Variants in PCDHA5 observed in about 807,000 individuals in gnomAD.
PCDHA5 encodes protocadherin alpha 5, also known as protocadherin alpha-5.
PCDHA5 carries 43 observed loss-of-function variants against 61.6 expected under a neutral mutation model. The ratio of observed to expected loss-of-function variants is 0.70; its 90% CI spans 0.55 to 0.90. The LOEUF (loss-of-function observed/expected upper bound fraction) is 0.90. PCDHA5 is among the 40% of genes least tolerant of loss of function. PCDHA5 has a pLI of 0.00. For synonymous variants in PCDHA5, 627 were observed against 543.9 expected (o/e 1.15, Z -2.13); for missense variants, 1,298 against 1,222.7 (o/e 1.06, Z -0.92).
chr5:140,928,276 G>A (rs2153595075), intron 1 of PCDHA5: 2 of 1,614,172 alleles, frequency 1.2e-6, no homozygotes, highest in South Asian at 1.1e-5. Context: ...TGGCCCTGGG[G>A]CCTCTCTAGG....
rs782144486 is a variant in PCDHA5, at chr5:140,875,746, C to A, written c.2352+51619C>A. ...TTTGTTTGTGAATTCTCGGATCGAC[C>A]GCGAGAAGCTGTGCGGGCGGAGCGC... is the stretch of plus-strand genomic sequence containing the variant. On this transcript the variant is annotated intron_variant, in intron 1 of 3. Coordinates refer to ENST00000529859, the MANE Select transcript of PCDHA5 (RefSeq NM_018908.3). 7.4e-6 allele frequency: 12 copies of A among 1,614,096 alleles called. No homozygotes were observed. In the East Asian group the frequency reaches 2.0e-4, roughly 27 times the overall value.
chr5:140,955,501 A>G (rs1479045859), intron 1 of PCDHA5, among the ~76,000 whole-genome samples: 5 of 152,114 alleles, frequency 3.3e-5, no homozygotes, highest in African/African-American at 1.2e-4. Context: ...CATGTGAAGA[A>G]AGACGTGTTT....
At chr5:140,996,650 G>A (rs943173536) in intron 3 of PCDHA5, among the ~76,000 whole-genome samples, 2 of 152,042 alleles carry the variant, frequency 1.3e-5, no homozygotes, top group Non-Finnish European at 2.9e-5. Context: ...GTTAATCCTG[G>A]GTGCAGGCTA....
chr5:140,913,138 T>C (rs1367874502), intron 1 of PCDHA5, among the ~76,000 whole-genome samples: 1 of 152,204 alleles, frequency 6.6e-6, no homozygotes, highest in East Asian at 1.9e-4. Flanking sequence ...CTCTACTTTT[T>C]GGAATAGTTT....
In PCDHA5 at chr5:140,917,330, A is replaced by T. The variant is rs155802; in HGVS notation, c.2353-61619A>T. On this transcript the variant is annotated intron_variant, in intron 1 of 3. Coordinates refer to ENST00000529859, the MANE Select transcript of PCDHA5 (RefSeq NM_018908.3). The stretch of plus-strand genomic sequence containing the variant: ...CAATTTGGTGTTCATGTGGCGGGGG[A>T]GGGGGGGGATGGTGTAGGCTTCTGT... Among the ~76,000 whole-genome samples, 56 of 103,230 alleles carry T rather than the reference A, an allele frequency of 5.4e-4. 2 individuals are homozygous for T. In the South Asian group the frequency reaches 0.01, roughly 19 times the overall value. The allele number at this position is 103,230 out of a possible 152,430, so 67.7% of individuals were successfully genotyped here.
chr5:140,892,534 T>C (rs1554185241), intron 1 of PCDHA5, among the ~76,000 whole-genome samples: 2 of 152,254 alleles, frequency 1.3e-5, no homozygotes, highest in African/African-American at 2.4e-5. Context: ...CTCAGGATTC[T>C]GACTTTTGTT....
chr5:140,859,686 T>C (rs2045967077), intron 1 of PCDHA5: 1 of 154,726 alleles, frequency 6.5e-6, no homozygotes, highest in African/African-American at 2.4e-5. Context: ...AAAATTAAAA[T>C]TATTGTTCAA....
At chr5:140,827,406 G>A (rs1299421304) in intron 1 of PCDHA5, among the ~76,000 whole-genome samples, 3 of 152,148 alleles carry the variant, frequency 2.0e-5, no homozygotes, top group African/African-American at 7.2e-5. Context: ...ATGTGATAAA[G>A]AATATGCTCT....
chr5:140,916,723 T>C (rs1264644464), intron 1 of PCDHA5, among the ~76,000 whole-genome samples: 1 of 152,186 alleles, frequency 6.6e-6, no homozygotes, highest in Non-Finnish European at 1.5e-5. Context: ...GGAGTGACTT[T>C]TGTTGCTGCA....
At chr5:140,970,554 G>A (rs72802985) in intron 1 of PCDHA5, among the ~76,000 whole-genome samples, 7,177 of 152,136 alleles carry the variant, frequency 0.047, 194 homozygotes, top group Non-Finnish European at 0.062. Context: ...TTGTGTGTTC[G>A]TCTCCATATG....
chr5:140,953,316 T>G (rs782746401), intron 1 of PCDHA5, among the ~76,000 whole-genome samples: 3 of 152,138 alleles, frequency 2.0e-5, no homozygotes, highest in Non-Finnish European at 2.9e-5. Flanking sequence ...TGGGAAGAAT[T>G]TGATCATAGA....
At position 140,949,239 on chromosome 5, in the gene PCDHA5, C is replaced by T. The variant is rs563720988; in HGVS notation, c.2353-29710C>T. 4.0e-5 allele frequency among the ~76,000 whole-genome samples: 6 copies of T among 151,886 alleles called. No individual in the cohort carries two copies. The East Asian group carries it at 1.2e-3, about 29-fold the overall frequency. On this transcript the variant is annotated intron_variant, in intron 1 of 3. Transcript: ENST00000529859. ...TTAGACTTGTTCTGTGGCCCAGCAA[C>T]AGTCTATCTTGATGAACATATCACG...
At chr5:140,884,688 C>T in intron 1 of PCDHA5, 1 of 1,535,868 alleles carries the variant, frequency 6.5e-7, no homozygotes, top group Non-Finnish European at 8.8e-7. Context: ...AAAAAATTGT[C>T]TTAGTAAACA....
chr5:140,908,904 G>A (rs1467772032), intron 1 of PCDHA5, among the ~76,000 whole-genome samples: 2 of 152,194 alleles, frequency 1.3e-5, no homozygotes, highest in Non-Finnish European at 1.5e-5. Flanking sequence ...AGCCTCTTTC[G>A]TGGTTGTAGG....
chr5:140,876,411 T>C (rs782457800), intron 1 of PCDHA5: 1 of 1,613,974 alleles, frequency 6.2e-7, no homozygotes, highest in South Asian at 1.1e-5. Flanking sequence ...TTGAAGAGAA[T>C]AATGCCTATG....
At position 140,851,979 on chromosome 5, in the gene PCDHA5, G is replaced by A. The variant is rs117939942; in HGVS notation, c.2352+27852G>A. 36 of 976,672 alleles carry A rather than the reference G, an allele frequency of 3.7e-5. No individual in the cohort carries two copies. In the East Asian group the frequency reaches 3.7e-3, roughly 102 times the overall value. 60.5% of individuals were successfully genotyped at this position (976,672 alleles called of 1,614,324 possible). ...GGTGGTTTTCCACACTCTACCTTTA[G>A]TGCAAGCTATTTGTTTGTTTTCTAA... On this transcript the variant is annotated intron_variant, in intron 1 of 3. Coordinates refer to ENST00000529859, the MANE Select transcript of PCDHA5 (RefSeq NM_018908.3).
At chr5:140,950,746 T>C (rs2094515579) in intron 1 of PCDHA5, among the ~76,000 whole-genome samples, 1 of 152,138 alleles carries the variant, frequency 6.6e-6, no homozygotes, top group Non-Finnish European at 1.5e-5. Context: ...AATTTCTCTC[T>C]ATCCTTTCTG....
chr5:141,010,618 G>T lies in PCDHA5; in HGVS notation c.*681G>T. The T allele has an allele frequency of 5.2e-6, 1 of 191,706 alleles. No individual in the cohort carries two copies. The highest frequency in any genetic ancestry group is 1.1e-5 in the Non-Finnish European group (1 of 92,168). 11.9% of individuals were successfully genotyped at this position (191,706 alleles called of 1,614,324 possible). ...TGTGACGTCATTATACCTAAAATCT[G>T]CATCATACCTGCAAGCCAACAGTTC... is the stretch of plus-strand genomic sequence containing the variant. On this transcript the variant is annotated 3_prime_UTR_variant, in exon 4 of 4. Coordinates refer to ENST00000529859, the MANE Select transcript of PCDHA5 (RefSeq NM_018908.3).
chr5:140,836,864 T>C (rs1774785013), intron 1 of PCDHA5: 1 of 755,194 alleles, frequency 1.3e-6, no homozygotes, highest in Non-Finnish European at 2.1e-6. Context: ...TTTTTAATGT[T>C]ATGCTGTATT....
Sources: allele counts gnomAD v4.1 joint callset (sites outside exome capture counted in the v4.1 genomes callset), GRCh38; gene constraint gnomAD v4.1.1; transcripts MANE v1.5; gene names NCBI Gene and HGNC (gene_info 2026-07-23, HGNC 2026-07-21).